Variants in ASIC2 observed in about 807,000 individuals in gnomAD.
ASIC2 encodes acid-sensing ion channel 2.
In ASIC2, 25 loss-of-function variants were observed where a neutral mutation model predicts 57.3. That is an observed-to-expected ratio of 0.44 (90% CI 0.32 to 0.61). ASIC2 has a LOEUF of 0.61. ASIC2 is among the 20% of genes least tolerant of loss of function. The probability of loss-of-function intolerance (pLI) is 0.06; values close to 1 mark genes in which losing one functional copy is unlikely to be tolerated. For synonymous variants in ASIC2, 319 were observed against 307.5 expected (o/e 1.04, Z -0.39); for missense variants, 641 against 738.1 (o/e 0.87, Z 1.52).
chr17:34,057,431 A>C (rs1363728183), intron 1 of ASIC2, among the ~76,000 whole-genome samples: 2 of 152,198 alleles, frequency 1.3e-5, no homozygotes, highest in Non-Finnish European at 2.9e-5. Flanking sequence ...GTGATTGAGG[A>C]AATGGGCTGT....
At chr17:33,687,994 A>G (rs1470690458) in intron 1 of ASIC2, among the ~76,000 whole-genome samples, 1 of 152,028 alleles carries the variant, frequency 6.6e-6, no homozygotes, top group Non-Finnish European at 1.5e-5. Context: ...TAATCATAGC[A>G]TTTTTCTCAG....
chr17:33,685,145 G>A (rs186077930), intron 1 of ASIC2, among the ~76,000 whole-genome samples: 3 of 152,324 alleles, frequency 2.0e-5, no homozygotes, highest in Admixed American at 1.3e-4. Context: ...GAGGAGAGAC[G>A]TGTACACACG....
At chr17:33,632,319 T>A (rs201245419) in intron 1 of ASIC2, among the ~76,000 whole-genome samples, 86 of 152,144 alleles carry the variant, frequency 5.7e-4, no homozygotes, top group African/African-American at 2.0e-3. Context: ...CAAAACAACA[T>A]AATAATAACG....
chr17:33,187,905 G>GAAAAAAAAAAAAAGAAAAAAAAAA (rs1906262660), intron 1 of ASIC2, among the ~76,000 whole-genome samples: 1 of 90,724 alleles, frequency 1.1e-5, no homozygotes. Flanking sequence ...GGTCAGGGAT[G>GAAAAAAAAAAAAAGAAAAAAAAAA]AAAAAAAAAA....
chr17:33,774,106 A>G (rs527360722), intron 1 of ASIC2, among the ~76,000 whole-genome samples: 42 of 152,356 alleles, frequency 2.8e-4, no homozygotes, highest in African/African-American at 1.0e-3. Context: ...TGGGCAAGAT[A>G]AAAATGGTAG....
chr17:33,034,770 T>C (rs1487539981), intron 3 of ASIC2, among the ~76,000 whole-genome samples: 1 of 152,230 alleles, frequency 6.6e-6, no homozygotes, highest in African/African-American at 2.4e-5. Flanking sequence ...CGGTCTTTGC[T>C]TCTCAGGATT....
intron 1 of ASIC2, among the ~76,000 whole-genome samples, chr17:33,214,645 G>A (rs1907408168): frequency 6.6e-6 from 1 of 150,840 alleles, no homozygotes; most frequent in Non-Finnish European, 1.5e-5. Flanking sequence ...AGATTCTGAT[G>A]TGATAGGTCT....
At chr17:33,579,445 G>A (rs377765140) in intron 1 of ASIC2, among the ~76,000 whole-genome samples, 3 of 152,178 alleles carry the variant, frequency 2.0e-5, no homozygotes, top group South Asian at 4.2e-4. Context: ...GGGCTGCGGG[G>A]TACCCATCCA....
At chr17:33,347,467 T>G (rs1907993101) in intron 1 of ASIC2, among the ~76,000 whole-genome samples, 1 of 152,070 alleles carries the variant, frequency 6.6e-6, no homozygotes, top group Admixed American at 6.5e-5. Context: ...CAAGTGCCGG[T>G]TTGAGTCTTC....
At chr17:33,841,103 A>G (rs191576927) in intron 1 of ASIC2, among the ~76,000 whole-genome samples, 6 of 152,344 alleles carry the variant, frequency 3.9e-5, no homozygotes, top group Admixed American at 2.0e-4. Context: ...CAAGCTAGCT[A>G]GAATAATTAG....
At chr17:33,702,141 G>T (rs978987935) in intron 1 of ASIC2, among the ~76,000 whole-genome samples, 1 of 152,208 alleles carries the variant, frequency 6.6e-6, no homozygotes, top group Non-Finnish European at 1.5e-5. Flanking sequence ...ATGTGAGTTT[G>T]TGTCTTGGCT....
chr17:34,113,402 A>C (rs1911335000), intron 1 of ASIC2, among the ~76,000 whole-genome samples: 1 of 151,874 alleles, frequency 6.6e-6, no homozygotes, highest in African/African-American at 2.4e-5. Context: ...CTCTACTAGA[A>C]ATCAAAAAGT....
chr17:33,703,335 TGC>T (rs1288298089), intron 1 of ASIC2, among the ~76,000 whole-genome samples: 2 of 151,662 alleles, frequency 1.3e-5, no homozygotes, highest in African/African-American at 2.4e-5. Context: ...TTTTTTTTGT[TGC>T]TGTTGTTGTT....
chr17:33,361,450 C>G (rs1189057223), intron 1 of ASIC2, among the ~76,000 whole-genome samples: 1 of 152,176 alleles, frequency 6.6e-6, no homozygotes, highest in Non-Finnish European at 1.5e-5. Flanking sequence ...GCACCTGCAA[C>G]CTCTGGTTAG....
chr17:34,088,167 T>C (rs1221289267), intron 1 of ASIC2, among the ~76,000 whole-genome samples: 4 of 152,186 alleles, frequency 2.6e-5, no homozygotes, highest in Admixed American at 1.3e-4. Flanking sequence ...CCCATCTTTG[T>C]GGTTTTATCT....
At chr17:34,128,397 C>T (rs1284375954) in intron 1 of ASIC2, among the ~76,000 whole-genome samples, 2 of 152,156 alleles carry the variant, frequency 1.3e-5, no homozygotes, top group Admixed American at 6.5e-5. Context: ...GAACCATGAA[C>T]CTCCCTGGTC....
At chr17:33,908,151 T>A (rs1915390114) in intron 1 of ASIC2, among the ~76,000 whole-genome samples, 1 of 152,198 alleles carries the variant, frequency 6.6e-6, no homozygotes. Flanking sequence ...CTTTGAGAAA[T>A]TCTGTGCCCG....
chr17:33,744,020 A>AT (rs895702364), intron 1 of ASIC2, among the ~76,000 whole-genome samples: 6 of 152,140 alleles, frequency 3.9e-5, no homozygotes, highest in African/African-American at 1.4e-4. Flanking sequence ...TGGCTCAGAG[A>AT]TTTTGCCTAG....
At chr17:33,758,360 T>C (rs560810731) in intron 1 of ASIC2, among the ~76,000 whole-genome samples, 14 of 152,352 alleles carry the variant, frequency 9.2e-5, no homozygotes, top group African/African-American at 3.4e-4. Context: ...GAAAATTATT[T>C]ATTGTATACA....
Sources: allele counts gnomAD v4.1 joint callset (sites outside exome capture counted in the v4.1 genomes callset), GRCh38; gene constraint gnomAD v4.1.1; transcripts MANE v1.5; gene names NCBI Gene and HGNC (gene_info 2026-07-23, HGNC 2026-07-21).